Variants in PPP3CA observed in about 807,000 individuals in gnomAD.
PPP3CA encodes the protein protein phosphatase 3 catalytic subunit alpha.
Under a neutral mutation model 66.5 loss-of-function variants are expected in PPP3CA, and 14 were observed. That is an observed-to-expected ratio of 0.21 (90% CI 0.14 to 0.33). The LOEUF (loss-of-function observed/expected upper bound fraction) is 0.33. Among genes scored for constraint, PPP3CA ranks in the 10% least tolerant of loss-of-function variants. The probability of loss-of-function intolerance (pLI) is 1.00; values close to 1 mark genes in which losing one functional copy is unlikely to be tolerated. For missense variants in PPP3CA, 317 were observed against 639.5 expected (o/e 0.50, Z 5.44); for synonymous variants, 232 against 226.2 (o/e 1.03, Z -0.23).
intron 3 of PPP3CA, among the ~76,000 whole-genome samples, chr4:101,104,831 G>A (rs1168937404): frequency 6.6e-6 from 1 of 152,112 alleles, no homozygotes; most frequent in African/African-American, 2.4e-5. Flanking sequence ...TAATCAAAAT[G>A]GAACATTTCA....
rs1259260325 is a variant in PPP3CA at position 101,108,984 on chromosome 4, G to A, written c.354C>T (p.Asp118=). 3 of 1,613,544 alleles carry A rather than the reference G, an allele frequency of 1.9e-6. No individual in the cohort carries two copies. The highest frequency in any genetic ancestry group is 2.5e-6 in the Non-Finnish European group (3 of 1,179,746). Residue 118 remains aspartate (D), a synonymous_variant, in exon 3 of 14, where the codon GAC becomes GAT. Transcript: ENST00000394854. Reference sequence around the variant, plus strand: ...TACTGAAGTACCCTCTGTCAACATAGTCCCCTAAGAAGAGGTAGCGAGTGT... The same window carrying A: ...TACTGAAGTACCCTCTGTCAACATAATCCCCTAAGAAGAGGTAGCGAGTGT... ...PANTRYLFLG[D]YVDRGYFSIE... is the part of the protein sequence containing the mutation.
At chr4:101,124,769 AAG>A (rs1233991228) in intron 2 of PPP3CA, among the ~76,000 whole-genome samples, 10 of 129,818 alleles carry the variant, frequency 7.7e-5, no homozygotes, top group African/African-American at 3.3e-4. Context: ...GAAAGAAAGA[AAG>A]AAAGAAAGAA....
intron 2 of PPP3CA, among the ~76,000 whole-genome samples, chr4:101,169,973 A>C (rs545478873): frequency 6.6e-6 from 1 of 152,312 alleles, no homozygotes; most frequent in African/African-American, 2.4e-5. Context: ...TTATCAGGCA[A>C]GGCCCAAGTT....
intron 10 of PPP3CA, among the ~76,000 whole-genome samples, chr4:101,054,503 AT>A (rs1728142965): frequency 2.0e-5 from 3 of 152,092 alleles, no homozygotes; most frequent in Admixed American, 2.0e-4. Flanking sequence ...TAGGTCAAAC[AT>A]TCATCATGGC....
chr4:101,219,342 G>A (rs758348661), intron 1 of PPP3CA, among the ~76,000 whole-genome samples: 1 of 151,974 alleles, frequency 6.6e-6, no homozygotes, highest in Non-Finnish European at 1.5e-5. Flanking sequence ...ATACACAGAA[G>A]TACAATTAAA....
intron 1 of PPP3CA, among the ~76,000 whole-genome samples, chr4:101,337,467 C>T (rs982623128): frequency 1.3e-5 from 2 of 152,250 alleles, no homozygotes; most frequent in African/African-American, 4.8e-5. Context: ...TGGAAGGGCA[C>T]GTGGAACGAG....
At chr4:101,165,632 T>C (rs971025849) in intron 2 of PPP3CA, among the ~76,000 whole-genome samples, 13 of 152,166 alleles carry the variant, frequency 8.5e-5, no homozygotes, top group Admixed American at 2.6e-4. Context: ...TGTTCAAATA[T>C]TATAATACTT....
chr4:101,223,752 A>G (rs577607449), intron 1 of PPP3CA, among the ~76,000 whole-genome samples: 117 of 152,030 alleles, frequency 7.7e-4, no homozygotes, highest in Non-Finnish European at 1.5e-3. Flanking sequence ...ACTTCAGTGT[A>G]TAATTACTTA....
At chr4:101,026,881 A>G (rs554547489) in intron 13 of PPP3CA, among the ~76,000 whole-genome samples, 2 of 152,260 alleles carry the variant, frequency 1.3e-5, no homozygotes, top group Non-Finnish European at 2.9e-5. Flanking sequence ...GTGATGGTTA[A>G]ATAATAACAA....
intron 1 of PPP3CA, among the ~76,000 whole-genome samples, chr4:101,229,241 T>TCA (rs142740282): frequency 2.0e-5 from 3 of 150,596 alleles, no homozygotes; most frequent in Admixed American, 6.6e-5. Flanking sequence ...TATTTTACAC[T>TCA]CACACACACA....
intron 1 of PPP3CA, among the ~76,000 whole-genome samples, chr4:101,245,858 A>G (rs1726460090): frequency 6.6e-6 from 1 of 152,008 alleles, no homozygotes; most frequent in African/African-American, 2.4e-5. Flanking sequence ...AACACACATT[A>G]AAGAAGTAAT....
chr4:101,232,131 T>C (rs1202369854), intron 1 of PPP3CA, among the ~76,000 whole-genome samples: 1 of 151,780 alleles, frequency 6.6e-6, no homozygotes, highest in Non-Finnish European at 1.5e-5. Context: ...CATCAGCCTT[T>C]GCTCTTTAAA....
intron 10 of PPP3CA, among the ~76,000 whole-genome samples, chr4:101,053,933 C>G (rs753641899): frequency 6.6e-6 from 1 of 152,010 alleles, no homozygotes; most frequent in Non-Finnish European, 1.5e-5. Context: ...TATATCCCTA[C>G]TCATCCTTTG....
intron 1 of PPP3CA, among the ~76,000 whole-genome samples, chr4:101,295,319 AAAAAAAAAAAAAG>A (rs1728168466): frequency 6.7e-6 from 1 of 148,930 alleles, no homozygotes; most frequent in South Asian, 2.1e-4. Context: ...AAAAAAAAAA[AAAAAAAAAAAAAG>A]AAAGTATATT....
chr4:101,241,849 T>C (rs778500987), intron 1 of PPP3CA, among the ~76,000 whole-genome samples: 1 of 152,126 alleles, frequency 6.6e-6, no homozygotes, highest in Non-Finnish European at 1.5e-5. Context: ...CATTAATACA[T>C]GTACACTTAG....
intron 11 of PPP3CA, among the ~76,000 whole-genome samples, chr4:101,032,877 T>C (rs10019194): frequency 0.12 from 18,210 of 152,196 alleles, 1,959 homozygotes; most frequent in African/African-American, 0.29. Context: ...AATTAAGGCA[T>C]TTAGTAATTT....
intron 10 of PPP3CA, among the ~76,000 whole-genome samples, chr4:101,049,160 C>T (rs1727901358): frequency 6.6e-6 from 1 of 152,092 alleles, no homozygotes; most frequent in Admixed American, 6.6e-5. Flanking sequence ...AATTGGATTC[C>T]ATGCACTTTT....
chr4:101,234,500 T>A (rs1385782568), intron 1 of PPP3CA, among the ~76,000 whole-genome samples: 1 of 151,922 alleles, frequency 6.6e-6, no homozygotes, highest in East Asian at 1.9e-4. Context: ...ATTGAGCTTT[T>A]TTTCATATGC....
At chr4:101,060,662 T>A (rs1728422841) in intron 10 of PPP3CA, among the ~76,000 whole-genome samples, 3 of 152,244 alleles carry the variant, frequency 2.0e-5, no homozygotes, top group Middle Eastern at 3.4e-3. Context: ...AATATGTAAA[T>A]GCCTTTTTCA....
Sources: allele counts gnomAD v4.1 joint callset (sites outside exome capture counted in the v4.1 genomes callset), GRCh38; gene constraint gnomAD v4.1.1; transcripts MANE v1.5; gene names NCBI Gene and HGNC (gene_info 2026-07-23, HGNC 2026-07-21).